SMG6: variants seen among roughly 807,000 people sequenced by gnomAD.
SMG6 encodes the protein telomerase-binding protein EST1A.
In SMG6, 66 loss-of-function variants were observed where a neutral mutation model predicts 142.2. The ratio of observed to expected loss-of-function variants is 0.46; its 90% CI spans 0.38 to 0.57. The LOEUF (loss-of-function observed/expected upper bound fraction) is 0.57. Ranked by LOEUF, SMG6 falls within the 20% of genes least tolerant of loss-of-function variation. The probability of loss-of-function intolerance (pLI) is 0.00; values close to 1 mark genes in which losing one functional copy is unlikely to be tolerated. For missense variants in SMG6, 1,793 were observed against 1,832.0 expected (o/e 0.98, Z 0.39); for synonymous variants, 779 against 702.4 (o/e 1.11, Z -1.72).
At chr17:2,225,385 C>T (rs1274198825) in intron 10 of SMG6, among the ~76,000 whole-genome samples, 1 of 150,898 alleles carries the variant, frequency 6.6e-6, no homozygotes, top group African/African-American at 2.4e-5. Flanking sequence ...CCCTTGTAAT[C>T]CCAGCTACTC....
At chr17:2,063,814 G>A (rs1291673871) in intron 18 of SMG6, among the ~76,000 whole-genome samples, 1 of 151,998 alleles carries the variant, frequency 6.6e-6, no homozygotes, top group Admixed American at 6.6e-5. Flanking sequence ...GCAAGGGGCT[G>A]TGGTGGGCAG....
intron 13 of SMG6, among the ~76,000 whole-genome samples, chr17:2,155,054 A>T (rs1373246732): frequency 1.6e-5 from 2 of 122,736 alleles, no homozygotes; most frequent in African/African-American, 7.1e-5. Context: ...TGAGAAAAAA[A>T]ATTTTTTTTT....
At chr17:2,065,441 CT>C (rs779699621) in intron 17 of SMG6, 26 bp downstream of exon 17, 39 of 1,601,542 alleles carry the variant, frequency 2.4e-5, no homozygotes, top group Non-Finnish European at 3.2e-5. Context: ...TGGCTGTGGG[CT>C]TTCCCTTCCT....
rs1217335455 is a variant in SMG6, at chr17:2,079,049, C to T, written c.3681+2761G>A. ...CGCAATCTTGGCTCACTGTAACCTC[C>T]GCCTCCTGGGTTCAAGAGATTCTCC... On this transcript the variant is annotated intron_variant, in intron 15 of 18. Coordinates refer to ENST00000263073, the MANE Select transcript of SMG6 (RefSeq NM_017575.5). Among the ~76,000 whole-genome samples, 7 of 152,094 alleles carry T rather than the reference C, an allele frequency of 4.6e-5. No homozygotes were observed. In the South Asian group the frequency reaches 6.2e-4, roughly 14 times the overall value.
chr17:2,243,509 C>T (rs551506204), intron 9 of SMG6, among the ~76,000 whole-genome samples: 2 of 152,212 alleles, frequency 1.3e-5, no homozygotes, highest in East Asian at 3.9e-4. Flanking sequence ...GGTGAAACCC[C>T]ATCTCTGCTA....
rs199918988 is a variant in SMG6, at chr17:2,091,386, C to CA, written c.3358-5486dup. 6.4e-3 allele frequency among the ~76,000 whole-genome samples: 981 copies of CA among 152,212 alleles called. 18 individuals carry two copies. The highest frequency in any genetic ancestry group is 4.3e-3 in the Non-Finnish European group (292 of 68,030). On this transcript the variant is annotated intron_variant, in intron 13 of 18. Coordinates refer to ENST00000263073, the MANE Select transcript of SMG6 (RefSeq NM_017575.5). ...CAGGCAGTAGCTTAGGATGGGGAGA[C>CA]AGACATTCACAGCCTACTTGAGTCA...
At chr17:2,263,893 C>A (rs954325778) in intron 8 of SMG6, among the ~76,000 whole-genome samples, 1 of 152,048 alleles carries the variant, frequency 6.6e-6, no homozygotes, top group South Asian at 2.1e-4. Flanking sequence ...AATTCTGGCA[C>A]CTTTAAGAGC....
chr17:2,154,727 T>A (rs1597482637), intron 13 of SMG6, among the ~76,000 whole-genome samples: 1 of 152,180 alleles, frequency 6.6e-6, no homozygotes, highest in East Asian at 1.9e-4. Context: ...TTGTTAATAA[T>A]AAACACCTGC....
intron 9 of SMG6, among the ~76,000 whole-genome samples, chr17:2,242,705 A>G (rs1186851357): frequency 6.7e-6 from 1 of 149,978 alleles, no homozygotes; most frequent in Admixed American, 6.6e-5. Flanking sequence ...AAAAAAAAAA[A>G]AAAAAAAAAA....
chr17:2,257,744 C>T (rs2151326678), intron 8 of SMG6, among the ~76,000 whole-genome samples: 1 of 152,020 alleles, frequency 6.6e-6, no homozygotes, highest in East Asian at 1.9e-4. Context: ...CCTGGCTGGG[C>T]CTGGTGGCTC....
chr17:2,193,292 T>G (rs1179596907), intron 10 of SMG6, among the ~76,000 whole-genome samples: 1 of 152,226 alleles, frequency 6.6e-6, no homozygotes, highest in Non-Finnish European at 1.5e-5. Context: ...TTTCGCCTTC[T>G]GCCATGATTG....
chr17:2,114,855 G>C (rs1163828490), intron 13 of SMG6, among the ~76,000 whole-genome samples: 1 of 147,956 alleles, frequency 6.8e-6, no homozygotes, highest in Non-Finnish European at 1.5e-5. Flanking sequence ...CTTCAATCCA[G>C]GAGGCGGAGG....
intron 8 of SMG6, among the ~76,000 whole-genome samples, chr17:2,258,062 C>CATATATATAT (rs373477381): frequency 0.19 from 23,246 of 120,156 alleles, 3,801 homozygotes; most frequent in Admixed American, 0.29. Context: ...CACACACACA[C>CATATATATAT]ACACATATAT....
chr17:2,237,011 C>A, intron 9 of SMG6: 1 of 187,658 alleles, frequency 5.3e-6, no homozygotes, highest in Non-Finnish European at 1.0e-5. Context: ...TTCCTGAAAC[C>A]TTCACAGTCC....
intron 10 of SMG6, chr17:2,235,687 G>C (rs967994750): frequency 6.6e-6 from 1 of 152,560 alleles, no homozygotes; most frequent in African/African-American, 2.4e-5. Context: ...CTTGCGAACA[G>C]ACACAGAAAA....
chr17:2,170,339 G>T (rs2071464999), intron 13 of SMG6, among the ~76,000 whole-genome samples: 1 of 152,164 alleles, frequency 6.6e-6, no homozygotes, highest in African/African-American at 2.4e-5. Context: ...ATGAAGATGG[G>T]GCGTAGGAAG....
rs921625308 is a variant in SMG6 at position 2,068,552 on chromosome 17, G to A, written c.3835+226C>T. Among the ~76,000 whole-genome samples the A allele has an allele frequency of 1.3e-5, 2 of 152,216 alleles. No individual in the cohort carries two copies. Among genetic ancestry groups the A allele is most frequent in the Admixed American group, 1.3e-4 (2 of 15,282 alleles). ...GCAGCCTCTGGTTGCTGGGACACAG[G>A]AGTCCATTTGCTCAAGCAGTTTAAG... is the stretch of plus-strand genomic sequence containing the variant. On this transcript the variant is annotated intron_variant, in intron 16 of 18. Transcript: ENST00000263073. The surrounding 1 kb of genome is among the most constrained non-coding windows in gnomAD (Gnocchi z 6.7).
In SMG6 at chr17:2,085,700, ACAG is replaced by A; in HGVS notation, c.3534+22_3534+24del. 1 of 1,594,188 alleles carries A rather than the reference ACAG, an allele frequency of 6.3e-7. No individual in the cohort carries two copies. Among genetic ancestry groups the A allele is most frequent in the South Asian group, 1.1e-5 (1 of 88,726 alleles). On this transcript the variant is annotated intron_variant, in intron 14 of 18. Coordinates refer to ENST00000263073, the MANE Select transcript of SMG6 (RefSeq NM_017575.5). This position sits in a 1 kb window ranked among gnomAD's most constrained non-coding sequence, Gnocchi z 4.1. ...ATGGGGAGGGGGCCTTCCCTCTGCC[ACAG>A]CGGGCTCTTCCCGCATAGTACCTCA...
chr17:2,259,848 C>A (rs1827542446), intron 8 of SMG6, among the ~76,000 whole-genome samples: 1 of 152,120 alleles, frequency 6.6e-6, no homozygotes, highest in Non-Finnish European at 1.5e-5. Context: ...AATCTAAGAA[C>A]CCAAAGGAGA....
Sources: allele counts gnomAD v4.1 joint callset (sites outside exome capture counted in the v4.1 genomes callset), GRCh38; gene constraint gnomAD v4.1.1; non-coding constraint Gnocchi (gnomAD v3.1); transcripts MANE v1.5; gene names NCBI Gene and HGNC (gene_info 2026-07-23, HGNC 2026-07-21).